The following REEP3 variants were observed in gnomAD, a reference collection of about 807,000 sequenced individuals.
REEP3 encodes the protein receptor expression-enhancing protein 3.
REEP3 carries 20 observed loss-of-function variants against 41.3 expected under a neutral mutation model. That is an observed-to-expected ratio of 0.48 (90% CI 0.34 to 0.70). The LOEUF is 0.70. Ranked by LOEUF, REEP3 falls within the 30% of genes least tolerant of loss-of-function variation. The pLI is 0.01. For missense variants in REEP3, 271 were observed against 308.8 expected (o/e 0.88, Z 0.92); for synonymous variants, 104 against 101.8 (o/e 1.02, Z -0.13).
chr10:63,543,646 T>C (rs1301876518), intron 1 of REEP3, among the ~76,000 whole-genome samples: 1 of 152,198 alleles, frequency 6.6e-6, no homozygotes, highest in East Asian at 1.9e-4. Flanking sequence ...CTATCCACAG[T>C]AAAGAAAGGG....
At chr10:63,608,413 C>A (rs1254732804) in intron 5 of REEP3, among the ~76,000 whole-genome samples, 2 of 152,104 alleles carry the variant, frequency 1.3e-5, no homozygotes, top group Non-Finnish European at 2.9e-5. Context: ...CCCAAAGTAA[C>A]TGAATCAAGA....
At chr10:63,575,975 C>T (rs1341069007) in intron 2 of REEP3, among the ~76,000 whole-genome samples, 2 of 152,146 alleles carry the variant, frequency 1.3e-5, no homozygotes, top group African/African-American at 2.4e-5. Flanking sequence ...TCAGGTGATC[C>T]GCCTGCCTTG....
At chr10:63,615,899 C>T (rs1446505451) in intron 6 of REEP3, among the ~76,000 whole-genome samples, 1 of 152,154 alleles carries the variant, frequency 6.6e-6, no homozygotes, top group Non-Finnish European at 1.5e-5. Flanking sequence ...CTTGCTCTGT[C>T]CTCACTCTCT....
In REEP3 at chr10:63,619,802, T is replaced by C; in HGVS notation, c.711+2T>C. On this transcript the variant is annotated splice_donor_variant, in intron 7 of 7. Coordinates refer to ENST00000373758, the MANE Select transcript of REEP3 (RefSeq NM_001001330.3). LOFTEE classifies it high-confidence loss of function. The stretch of plus-strand genomic sequence containing the variant: ...AAAACCACCAAAGGCCGCAAAGAGG[T>C]TGGTTAAGTGTAGAGCTGTTTTCCT... 2 of 1,605,078 alleles carry C rather than the reference T, an allele frequency of 1.2e-6. No homozygotes were observed. Among genetic ancestry groups the C allele is most frequent in the Non-Finnish European group, 1.7e-6 (2 of 1,175,712 alleles).
intron 2 of REEP3, among the ~76,000 whole-genome samples, chr10:63,589,845 A>AGTATAGTG (rs1956043606): frequency 8.9e-6 from 1 of 111,776 alleles, no homozygotes; most frequent in South Asian, 3.1e-4. Context: ...CCCATGTTGG[A>AGTATAGTG]GTATAGTGTC....
chr10:63,586,378 C>T (rs1362339015), intron 2 of REEP3, among the ~76,000 whole-genome samples: 1 of 152,116 alleles, frequency 6.6e-6, no homozygotes, highest in Non-Finnish European at 1.5e-5. Context: ...CAGATGACTC[C>T]ATATTCTTCA....
intron 6 of REEP3, 91 bp downstream of exon 6, chr10:63,610,425 A>G: frequency 3.2e-6 from 4 of 1,254,764 alleles, no homozygotes; most frequent in African/African-American, 3.0e-5. Context: ...GTGGGGCACA[A>G]GGAGAGGGAG....
chr10:63,550,663 G>T (rs1361788574), intron 1 of REEP3, among the ~76,000 whole-genome samples: 1 of 152,116 alleles, frequency 6.6e-6, no homozygotes, highest in Non-Finnish European at 1.5e-5. Context: ...CAGAGATTTG[G>T]TAAGGATGGA....
At chr10:63,583,413 C>T (rs1036191579) in intron 2 of REEP3, among the ~76,000 whole-genome samples, 4 of 152,184 alleles carry the variant, frequency 2.6e-5, no homozygotes, top group Non-Finnish European at 5.9e-5. Context: ...GTCAAACCTA[C>T]TATAAAGCAA....
In REEP3 at chr10:63,566,370, A is replaced by T. The variant is rs764716442; in HGVS notation, c.65A>T (p.Tyr22Phe). 2 of 1,553,582 alleles carry T rather than the reference A, an allele frequency of 1.3e-6. No homozygotes were observed. Among genetic ancestry groups the T allele is most frequent in the South Asian group, 2.4e-5 (2 of 84,218 alleles). ...LVFGMLYPAY[Y>F]SYKAVKTKNV... ...TTTGGAATGCTTTATCCTGCATATT[A>T]TTCATACAAAGCTGTGAAAACAAAA... Residue 22 changes from tyrosine to phenylalanine, a missense_variant, in exon 2 of 8, where the codon TAT becomes TTT. Tyr to Phe is a conservative substitution (Grantham distance 22, BLOSUM62 3). Transcript: ENST00000373758.
rs371832098 is a variant in REEP3, at chr10:63,567,226, CAT to C, written c.105+818_105+819del. Among the ~76,000 whole-genome samples, 12 of 117,832 alleles carry C rather than the reference CAT, an allele frequency of 1.0e-4. 1 individual carries two copies. Among genetic ancestry groups the C allele is most frequent in the African/African-American group, 3.0e-4 (11 of 36,166 alleles). The allele number at this position is 117,832 out of a possible 152,430, so 77.3% of individuals were successfully genotyped here. On this transcript the variant is annotated intron_variant, in intron 2 of 7. Coordinates refer to ENST00000373758, the MANE Select transcript of REEP3 (RefSeq NM_001001330.3). Reference sequence around the variant, plus strand: ...TTAAATTGAGGTGACATTCACATAACATAAAATTATCCATTTCAGAGGCATTT... The same window carrying C: ...TTAAATTGAGGTGACATTCACATAACAAAATTATCCATTTCAGAGGCATTT...
At chr10:63,569,057 T>C (rs1362212544) in intron 2 of REEP3, among the ~76,000 whole-genome samples, 2 of 152,216 alleles carry the variant, frequency 1.3e-5, no homozygotes. Flanking sequence ...TTAATATACT[T>C]ACAGTAACAC....
chr10:63,619,970 C>CTTTTTTT (rs1956341478), intron 7 of REEP3, among the ~76,000 whole-genome samples, 170 bp downstream of exon 7: 1 of 50,504 alleles, frequency 2.0e-5, no homozygotes, highest in African/African-American at 9.0e-5. Context: ...AGCTTTTTTG[C>CTTTTTTT]TTTGTCAACC....
At chr10:63,525,152 A>G (rs1955349838) in intron 1 of REEP3, among the ~76,000 whole-genome samples, 1 of 152,358 alleles carries the variant, frequency 6.6e-6, no homozygotes. Context: ...AAAATGGTGT[A>G]GGAAGAAATA....
At chr10:63,580,228 T>C (rs1955939363) in intron 2 of REEP3, among the ~76,000 whole-genome samples, 1 of 152,132 alleles carries the variant, frequency 6.6e-6, no homozygotes, top group Non-Finnish European at 1.5e-5. Flanking sequence ...CTCAACCTCC[T>C]GGGCTTCAGC....
chr10:63,526,385 T>G (rs1955364764), intron 1 of REEP3, among the ~76,000 whole-genome samples: 1 of 152,148 alleles, frequency 6.6e-6, no homozygotes, highest in African/African-American at 2.4e-5. Context: ...TAATGGACAT[T>G]ATATATACTT....
chr10:63,606,510 C>T (rs1956230560), intron 5 of REEP3, among the ~76,000 whole-genome samples: 1 of 152,106 alleles, frequency 6.6e-6, no homozygotes, highest in Non-Finnish European at 1.5e-5. Context: ...CTTGGCCTCC[C>T]AAAGTGTTGG....
At chr10:63,616,439 C>T (rs1161482068) in intron 6 of REEP3, among the ~76,000 whole-genome samples, 1 of 152,120 alleles carries the variant, frequency 6.6e-6, no homozygotes, top group Non-Finnish European at 1.5e-5. Context: ...CCTCATAATT[C>T]AGCACACTGC....
intron 1 of REEP3, among the ~76,000 whole-genome samples, chr10:63,557,923 C>A (rs1023547616): frequency 2.0e-5 from 3 of 152,134 alleles, no homozygotes; most frequent in Non-Finnish European, 2.9e-5. Context: ...TAATATAATT[C>A]TTTTCAGATG....
Sources: gnomAD v4.1 joint callset for allele counts (sites outside exome capture counted in the v4.1 genomes callset) on GRCh38, gnomAD v4.1.1 for gene constraint, MANE v1.5 for transcripts, NCBI Gene and HGNC (gene_info 2026-07-23, HGNC 2026-07-21) for gene names.